The following DMD variants were observed in gnomAD, a reference collection of about 807,000 sequenced individuals.
DMD encodes the protein mutant dystrophin.
DMD carries 63 observed loss-of-function variants against 330.1 expected under a neutral mutation model. That is an observed-to-expected ratio of 0.19 (90% CI 0.16 to 0.24). DMD has a LOEUF of 0.24. DMD is among the 10% of genes least tolerant of loss of function. DMD has a pLI of 1.00. For synonymous variants in DMD, 1,223 were observed against 959.8 expected (o/e 1.27, Z -5.07); for missense variants, 3,344 against 2,684.1 (o/e 1.25, Z -5.43).
In DMD at chrX:31,942,726, C is replaced by T. The variant is rs1417735147; in HGVS notation, c.6615-10499G>A. On this transcript the variant is annotated intron_variant, in intron 45 of 78. Transcript: ENST00000357033. ...CCACAGCCCCTCATAATGTTTCCAT[C>T]ACAGGAAATACTGTAATTTCCCATG... Among the ~76,000 whole-genome samples the T allele has an allele frequency of 2.7e-5, 3 of 112,013 alleles. No homozygotes were observed. The Admixed American group carries it at 2.8e-4, about 11-fold the overall frequency.
At chrX:31,999,002 T>A (rs979297582) in intron 44 of DMD, among the ~76,000 whole-genome samples, 4 of 111,408 alleles carry the variant, frequency 3.6e-5, no homozygotes, top group African/African-American at 1.3e-4. Context: ...AGTAGGGGAA[T>A]AACTAGCGGA....
intron 47 of DMD, among the ~76,000 whole-genome samples, chrX:31,889,657 A>T (rs1331709365): frequency 1.3e-5 from 1 of 75,332 alleles, no homozygotes; most frequent in Non-Finnish European, 2.7e-5. Flanking sequence ...TCACACACAC[A>T]CACACACACA....
At chrX:33,140,748 C>T (rs969517627) in intron 1 of DMD, among the ~76,000 whole-genome samples, 1 of 112,335 alleles carries the variant, frequency 8.9e-6, no homozygotes, top group African/African-American at 3.2e-5. Flanking sequence ...GTACTGGTAA[C>T]AGACACTTTC....
chrX:31,170,409 C>A (rs2039876453), intron 73 of DMD, among the ~76,000 whole-genome samples: 1 of 110,966 alleles, frequency 9.0e-6, no homozygotes, highest in Admixed American at 9.6e-5. Context: ...CTCTCTAATA[C>A]ACAGGACAAA....
At chrX:31,430,194 T>C (rs970771755) in intron 60 of DMD, among the ~76,000 whole-genome samples, 1 of 111,612 alleles carries the variant, frequency 9.0e-6, no homozygotes, top group Non-Finnish European at 1.9e-5. Flanking sequence ...CTTCCCTTGA[T>C]GCACATGATA....
chrX:32,920,253 T>G (rs1408989285), intron 2 of DMD, among the ~76,000 whole-genome samples: 2 of 111,766 alleles, frequency 1.8e-5, no homozygotes, highest in Non-Finnish European at 1.9e-5. Flanking sequence ...ATTCACTTCC[T>G]TGAAAGTTAT....
intron 2 of DMD, among the ~76,000 whole-genome samples, chrX:32,901,416 C>G (rs1041968295): frequency 9.1e-6 from 1 of 109,347 alleles, no homozygotes; most frequent in African/African-American, 3.5e-5. Flanking sequence ...ACTTCTTAAA[C>G]TACAGTCAGC....
chrX:31,164,733 C>T (rs937428502), intron 74 of DMD, among the ~76,000 whole-genome samples: 9 of 110,918 alleles, frequency 8.1e-5, no homozygotes, highest in Non-Finnish European at 1.3e-4. Context: ...GCCTGTGTGG[C>T]GTATATTCAT....
At chrX:32,855,895 G>T (rs1256584331) in intron 2 of DMD, among the ~76,000 whole-genome samples, 1 of 111,621 alleles carries the variant, frequency 9.0e-6, no homozygotes, top group African/African-American at 3.3e-5. Context: ...GAGTAGGAGA[G>T]AATACTGGCC....
At chrX:32,748,655 G>A (rs1166364495) in intron 7 of DMD, among the ~76,000 whole-genome samples, 1 of 112,127 alleles carries the variant, frequency 8.9e-6, no homozygotes, top group Non-Finnish European at 1.9e-5. Context: ...AGGTAAGTCA[G>A]TAAGTATATC....
At chrX:32,682,525 C>T (rs372457318) in intron 9 of DMD, among the ~76,000 whole-genome samples, 4 of 111,293 alleles carry the variant, frequency 3.6e-5, no homozygotes, top group South Asian at 7.6e-4. Flanking sequence ...TATTTGACCC[C>T]ATGAATTTTA....
intron 2 of DMD, among the ~76,000 whole-genome samples, chrX:32,897,980 T>C (rs1286353556): frequency 3.6e-5 from 4 of 112,401 alleles, no homozygotes; most frequent in African/African-American, 9.7e-5. Context: ...ATTTTATTTT[T>C]AAGAGTTTTT....
At chrX:32,884,721 T>C (rs2084355265) in intron 2 of DMD, among the ~76,000 whole-genome samples, 1 of 111,615 alleles carries the variant, frequency 9.0e-6, no homozygotes, top group Non-Finnish European at 1.9e-5. Flanking sequence ...CCTTAGTCTA[T>C]TACCATGAAA....
At chrX:33,208,765 G>A (rs1205591522) in intron 1 of DMD, among the ~76,000 whole-genome samples, 1 of 110,543 alleles carries the variant, frequency 9.0e-6, no homozygotes, top group African/African-American at 3.3e-5. Context: ...AAGAGTTGAT[G>A]AAAAAGTATG....
intron 17 of DMD, among the ~76,000 whole-genome samples, chrX:32,522,917 T>C (rs1363578761): frequency 8.9e-6 from 1 of 112,056 alleles, no homozygotes; most frequent in Non-Finnish European, 1.9e-5. Context: ...GATAGGAATA[T>C]CCACCAGTCA....
intron 55 of DMD, among the ~76,000 whole-genome samples, chrX:31,557,663 T>C (rs2074928761): frequency 8.9e-6 from 1 of 111,967 alleles, no homozygotes; most frequent in South Asian, 3.7e-4. Context: ...TATCAAACAA[T>C]AGTGCATCAA....
chrX:31,209,815 A>C, intron 64 of DMD, 116 bp from the exon 65 acceptor site: 5 of 652,947 alleles, frequency 7.7e-6, no homozygotes, highest in African/African-American at 2.2e-5. Flanking sequence ...TAAACACCAA[A>C]CGTGAACCAC....
In DMD at chrX:32,287,758, G is replaced by T. The variant is rs867176129; in HGVS notation, c.6118-57C>A. ...AATGAATTAGCTGTCTATAGAAAGA[G>T]AAAAATATATATATATATACAAATC... On this transcript the variant is annotated intron_variant, in intron 42 of 78. Coordinates refer to ENST00000357033, the MANE Select transcript of DMD (RefSeq NM_004006.3). 3.8e-5 allele frequency: 29 copies of T among 761,235 alleles called. No individual in the cohort carries two copies. The African/African-American group carries it at 7.1e-4, about 19-fold the overall frequency. 62.7% of individuals were successfully genotyped at this position (761,235 alleles called of 1,213,427 possible). A position where few individuals can be genotyped will look rare whatever the true frequency, so the allele number is the denominator to read the frequency against.
intron 1 of DMD, among the ~76,000 whole-genome samples, chrX:33,090,506 C>T (rs1318728818): frequency 1.8e-5 from 2 of 108,446 alleles, no homozygotes; most frequent in Admixed American, 1.0e-4. Flanking sequence ...CTTACTGAAT[C>T]CTTTTATATA....
Sources: gnomAD v4.1 joint callset for allele counts (sites outside exome capture counted in the v4.1 genomes callset) on GRCh38, gnomAD v4.1.1 for gene constraint, MANE v1.5 for transcripts, NCBI Gene and HGNC (gene_info 2026-07-23, HGNC 2026-07-21) for gene names.